MGAT4C: variants seen among roughly 807,000 people sequenced by gnomAD.
The protein encoded by MGAT4C is alpha-1,3-mannosyl-glycoprotein 4-beta-N-acetylglucosaminyltransferase C.
In MGAT4C, 19 loss-of-function variants were observed where a neutral mutation model predicts 40.1. The observed-to-expected ratio is 0.47, with a 90% CI of 0.33 to 0.70. MGAT4C has a LOEUF of 0.70. Among genes scored for constraint, MGAT4C ranks in the 30% least tolerant of loss-of-function variants. MGAT4C has a pLI of 0.02. For synonymous variants in MGAT4C, 181 were observed against 187.1 expected (o/e 0.97, Z 0.27); for missense variants, 491 against 563.2 (o/e 0.87, Z 1.30).
chr12:86,566,552 A>ATG (rs1368111679), intron 2 of MGAT4C, among the ~76,000 whole-genome samples: 4 of 110,770 alleles, frequency 3.6e-5, no homozygotes, highest in Admixed American at 2.7e-4. Context: ...ATATATATAT[A>ATG]TATATATATA....
intron 4 of MGAT4C, among the ~76,000 whole-genome samples, chr12:86,291,137 T>C (rs1009487473): frequency 4.7e-4 from 71 of 152,246 alleles, no homozygotes; most frequent in African/African-American, 1.5e-3. Context: ...GACAGCAAGA[T>C]AGCAAAGAAA....
chr12:86,399,748 T>C (rs2136235331), intron 3 of MGAT4C, among the ~76,000 whole-genome samples: 1 of 152,282 alleles, frequency 6.6e-6, no homozygotes, highest in South Asian at 2.1e-4. Context: ...GGGAGAGTGT[T>C]GCACCCCAAC....
chr12:86,347,588 C>T (rs1172229985), intron 3 of MGAT4C, among the ~76,000 whole-genome samples: 1 of 152,140 alleles, frequency 6.6e-6, no homozygotes, highest in African/African-American at 2.4e-5. Context: ...CCAATGCTAC[C>T]TTAGCTCCCA....
intron 1 of MGAT4C, among the ~76,000 whole-genome samples, chr12:86,111,898 G>A (rs1200517378): frequency 2.0e-5 from 3 of 151,816 alleles, no homozygotes; most frequent in South Asian, 2.1e-4. Flanking sequence ...GCCACCTGGG[G>A]CTGAATGTGT....
intron 3 of MGAT4C, among the ~76,000 whole-genome samples, chr12:86,416,367 A>C (rs1205257607): frequency 3.9e-5 from 6 of 152,066 alleles, no homozygotes; most frequent in African/African-American, 1.4e-4. Context: ...GCTTATATTA[A>C]ATTGGTAAAG....
At chr12:86,443,468 C>T (rs1187524320) in intron 2 of MGAT4C, among the ~76,000 whole-genome samples, 1 of 152,114 alleles carries the variant, frequency 6.6e-6, no homozygotes, top group African/African-American at 2.4e-5. Context: ...CTCACTACTG[C>T]AAAAATCTTA....
chr12:86,819,073 T>C (rs1010029265), intron 1 of MGAT4C, among the ~76,000 whole-genome samples: 6 of 151,102 alleles, frequency 4.0e-5, no homozygotes, highest in African/African-American at 1.2e-4. Context: ...AAATGTAAGA[T>C]TTACAGTAAT....
chr12:86,133,671 T>C (rs1185885399), intron 1 of MGAT4C, among the ~76,000 whole-genome samples: 1 of 152,126 alleles, frequency 6.6e-6, no homozygotes, highest in East Asian at 1.9e-4. Flanking sequence ...TTCAAAATCC[T>C]TATATGTAAA....
chr12:86,650,612 G>A (rs1181060329), intron 2 of MGAT4C, among the ~76,000 whole-genome samples: 1 of 151,778 alleles, frequency 6.6e-6, no homozygotes, highest in Non-Finnish European at 1.5e-5. Flanking sequence ...CCCTCTAGTG[G>A]GTCTAGAAGT....
chr12:86,097,920 T>C (rs1874244572), intron 1 of MGAT4C, among the ~76,000 whole-genome samples: 1 of 151,636 alleles, frequency 6.6e-6, no homozygotes, highest in African/African-American at 2.4e-5. Flanking sequence ...ATGTCTCATT[T>C]CCAAGATAAT....
At chr12:86,264,771 T>C (rs1324210370) in intron 4 of MGAT4C, among the ~76,000 whole-genome samples, 11 of 152,090 alleles carry the variant, frequency 7.2e-5, no homozygotes, top group African/African-American at 2.4e-4. Flanking sequence ...AAGTGCCTGC[T>C]CTCACTGCCT....
At chr12:86,443,227 T>C (rs976992315) in intron 2 of MGAT4C, among the ~76,000 whole-genome samples, 5 of 151,678 alleles carry the variant, frequency 3.3e-5, no homozygotes, top group African/African-American at 7.3e-5. Flanking sequence ...CACACATATA[T>C]ACACATGTAA....
At chr12:86,739,074 C>T (rs117991472) in intron 1 of MGAT4C, among the ~76,000 whole-genome samples, 4,402 of 115,568 alleles carry the variant, frequency 0.038, 92 homozygotes, top group Admixed American at 0.054. Flanking sequence ...CAATTTTTGT[C>T]TTATTACTCT....
Position 85,963,125 on chromosome 12 carries a change from G to T in MGAT4C, c.*16164C>A, listed in dbSNP as rs1428237242. The stretch of plus-strand genomic sequence containing the variant: ...ATAGTTTTGCTTTCTGGTTTATAAG[G>T]AACTTTTACTAGTTTAATTACTTGG... On this transcript the variant is annotated 3_prime_UTR_variant, in exon 5 of 5. Transcript: ENST00000611864. The T allele has an allele frequency of 6.6e-6, 1 of 151,684 alleles. No individual in the cohort carries two copies. The highest frequency in any genetic ancestry group is 1.5e-5 in the Non-Finnish European group (1 of 67,746). 9.4% of individuals were successfully genotyped at this position (151,684 alleles called of 1,614,324 possible).
At chr12:86,487,520 T>C (rs1336435599) in intron 2 of MGAT4C, among the ~76,000 whole-genome samples, 1 of 152,188 alleles carries the variant, frequency 6.6e-6, no homozygotes, top group East Asian at 1.9e-4. Flanking sequence ...CGAATTTTGA[T>C]GTTTATAATT....
intron 4 of MGAT4C, among the ~76,000 whole-genome samples, chr12:86,274,318 C>A (rs1026171031): frequency 6.6e-6 from 1 of 152,082 alleles, no homozygotes; most frequent in Non-Finnish European, 1.5e-5. Context: ...GGACATATAT[C>A]CAATCGATAT....
In MGAT4C at chr12:86,633,592, C is replaced by T. The variant is rs74704613; in HGVS notation, c.-229+93617G>A. On this transcript the variant is annotated intron_variant, in intron 2 of 7. Coordinates refer to the MGAT4C transcript ENST00000548651. ...CAGTAATCTCAAAAATAATTAGATGCAATAAATTATGGCAAAATCCCTAAC... is the reference window on the plus strand; with the variant it reads ...CAGTAATCTCAAAAATAATTAGATGTAATAAATTATGGCAAAATCCCTAAC... Among the ~76,000 whole-genome samples the T allele has an allele frequency of 8.7e-3, 1,325 of 152,106 alleles. 8 individuals carry two copies. Among genetic ancestry groups the T allele is most frequent in the Middle Eastern group, 0.017 (5 of 294 alleles).
rs1217766093 is a variant in MGAT4C at position 85,958,038 on chromosome 12, TGTGTGTGTGTG to T, written c.*21240_*21250del. 1 of 119,648 alleles carries T rather than the reference TGTGTGTGTGTG, an allele frequency of 8.4e-6. No homozygotes were observed. The highest frequency in any genetic ancestry group is 1.7e-5 in the Non-Finnish European group (1 of 60,388). 7.4% of individuals were successfully genotyped at this position (119,648 alleles called of 1,614,324 possible). A position where few individuals can be genotyped will look rare whatever the true frequency, so the allele number is the denominator to read the frequency against. ...TGTTTACAGTTTTTCTAAGTGTTTT[TGTGTGTGTGTG>T]TGTGTGTGTGTGTGTGTGTTTGTTT... On this transcript the variant is annotated 3_prime_UTR_variant, in exon 5 of 5. Coordinates refer to ENST00000611864, the MANE Select transcript of MGAT4C (RefSeq NM_001351288.2).
At chr12:86,285,519 GC>G (rs1393157372) in intron 4 of MGAT4C, among the ~76,000 whole-genome samples, 1 of 151,946 alleles carries the variant, frequency 6.6e-6, no homozygotes, top group Non-Finnish European at 1.5e-5. Flanking sequence ...GATTCTGGGA[GC>G]TTTCCAACTA....
Sources: gnomAD v4.1 joint callset for allele counts (sites outside exome capture counted in the v4.1 genomes callset) on GRCh38, gnomAD v4.1.1 for gene constraint, MANE v1.5 for transcripts, NCBI Gene and HGNC (gene_info 2026-07-23, HGNC 2026-07-21) for gene names.